Variants in NRXN3 observed in about 807,000 individuals in gnomAD.
NRXN3 encodes the protein neurexin III.
NRXN3 carries 32 observed loss-of-function variants against 137.6 expected under a neutral mutation model. The ratio of observed to expected loss-of-function variants is 0.23; its 90% CI spans 0.18 to 0.31. The LOEUF is 0.31. Among genes scored for constraint, NRXN3 ranks in the 10% least tolerant of loss-of-function variants. The probability of loss-of-function intolerance (pLI) is 1.00; values close to 1 mark genes in which losing one functional copy is unlikely to be tolerated. For synonymous variants in NRXN3, 798 were observed against 784.5 expected (o/e 1.02, Z -0.29); for missense variants, 1,574 against 2,062.5 (o/e 0.76, Z 4.59).
At chr14:79,838,081 G>A (rs2099348030) in intron 20 of NRXN3, among the ~76,000 whole-genome samples, 1 of 149,556 alleles carries the variant, frequency 6.7e-6, no homozygotes, top group African/African-American at 2.4e-5. Flanking sequence ...GTACTGAATA[G>A]TATACAGTGT....
chr14:79,135,455 A>G (rs1465782180), intron 15 of NRXN3, among the ~76,000 whole-genome samples: 2 of 152,200 alleles, frequency 1.3e-5, no homozygotes, highest in Non-Finnish European at 2.9e-5. Context: ...ATAAACCAAC[A>G]GTGGTCCTAC....
chr14:78,888,659 G>C (rs1482213673), intron 10 of NRXN3, among the ~76,000 whole-genome samples: 1 of 151,854 alleles, frequency 6.6e-6, no homozygotes, highest in Non-Finnish European at 1.5e-5. Context: ...AACCCACAAA[G>C]TTTATTCAAA....
intron 19 of NRXN3, among the ~76,000 whole-genome samples, chr14:79,794,999 A>G (rs746906287): frequency 1.2e-4 from 18 of 152,224 alleles, no homozygotes; most frequent in Non-Finnish European, 2.1e-4. Flanking sequence ...AGAGCAGAGC[A>G]TACAACCTAA....
chr14:79,568,308 A>G (rs1343695452), intron 16 of NRXN3, among the ~76,000 whole-genome samples: 2 of 152,190 alleles, frequency 1.3e-5, no homozygotes, highest in African/African-American at 2.4e-5. Context: ...AGAGGAAATC[A>G]CTGAGTTGAA....
intron 9 of NRXN3, among the ~76,000 whole-genome samples, chr14:78,805,083 A>T (rs1301914816): frequency 6.6e-6 from 1 of 152,142 alleles, no homozygotes; most frequent in Non-Finnish European, 1.5e-5. Flanking sequence ...AACTGGACAC[A>T]CTTGGAAAAT....
At chr14:78,455,992 A>G (rs1212447607) in intron 4 of NRXN3, among the ~76,000 whole-genome samples, 1 of 152,204 alleles carries the variant, frequency 6.6e-6, no homozygotes, top group African/African-American at 2.4e-5. Flanking sequence ...TGCAAGTGAA[A>G]TATCCTGATG....
chr14:78,280,762 A>T (rs1158766937), intron 3 of NRXN3, among the ~76,000 whole-genome samples: 1 of 152,116 alleles, frequency 6.6e-6, no homozygotes, highest in Non-Finnish European at 1.5e-5. Context: ...AATGCAGTGG[A>T]CCCATAGGCC....
At chr14:79,548,755 A>C (rs1455077685) in intron 16 of NRXN3, among the ~76,000 whole-genome samples, 1 of 151,574 alleles carries the variant, frequency 6.6e-6, no homozygotes, top group Non-Finnish European at 1.5e-5. Context: ...ATTAAAAAAA[A>C]AAAAAACAAA....
chr14:78,430,727 T>G (rs1199861702), intron 4 of NRXN3, among the ~76,000 whole-genome samples: 1 of 152,198 alleles, frequency 6.6e-6, no homozygotes, highest in Non-Finnish European at 1.5e-5. Context: ...GGGTGCACTG[T>G]GGCAGAAACA....
intron 15 of NRXN3, among the ~76,000 whole-genome samples, chr14:79,194,744 G>C (rs2064906126): frequency 6.6e-6 from 1 of 152,116 alleles, no homozygotes; most frequent in Admixed American, 6.5e-5. Flanking sequence ...TATAAACCTG[G>C]CTTTGGTTTT....
rs57962525 is a variant in NRXN3 at position 79,754,503 on chromosome 14, GATATATATATAT to G, written c.4015-50560_4015-50549del. Among the ~76,000 whole-genome samples the G allele has an allele frequency of 3.2e-3, 143 of 44,164 alleles. 3 individuals carry two copies. Among genetic ancestry groups the G allele is most frequent in the Admixed American group, 7.1e-3 (22 of 3,116 alleles). The allele number at this position is 44,164 out of a possible 152,430, so 29.0% of individuals were successfully genotyped here. On this transcript the variant is annotated intron_variant, in intron 19 of 20. Transcript: ENST00000335750. ...GGAAGACTCACTCTCACTCTCTCTT[GATATATATATAT>G]ATATATATATATATATATATATATA... is the stretch of plus-strand genomic sequence containing the variant.
At chr14:78,225,972 T>TG (rs1555412776) in intron 1 of NRXN3, among the ~76,000 whole-genome samples, 29,263 of 111,726 alleles carry the variant, frequency 0.26, 3,434 homozygotes, top group East Asian at 0.28. Context: ...TGTGTGTGTG[T>TG]TGGTGTGTGT....
intron 16 of NRXN3, among the ~76,000 whole-genome samples, chr14:79,663,227 TGCATGTGTGTGTGTGTAC>T (rs1435278748): frequency 6.6e-6 from 1 of 151,572 alleles, no homozygotes; most frequent in African/African-American, 2.4e-5. Flanking sequence ...AACCATTATG[TGCATGTGTGTGTGTGTAC>T]GCGTGTGTGT....
chr14:78,298,995 A>G (rs1362384326), intron 4 of NRXN3, among the ~76,000 whole-genome samples: 2 of 152,182 alleles, frequency 1.3e-5, no homozygotes, highest in Non-Finnish European at 2.9e-5. Flanking sequence ...TATGGCATCC[A>G]GTTAGCTGTG....
intron 4 of NRXN3, among the ~76,000 whole-genome samples, chr14:78,518,484 A>T (rs2096243256): frequency 6.6e-6 from 1 of 152,146 alleles, no homozygotes; most frequent in Non-Finnish European, 1.5e-5. Context: ...ATAGAAAAAA[A>T]GTGAGGTCCC....
chr14:79,557,230 G>A (rs1338999405), intron 16 of NRXN3, among the ~76,000 whole-genome samples: 2 of 151,560 alleles, frequency 1.3e-5, no homozygotes, highest in Non-Finnish European at 2.9e-5. Context: ...CCATCTTTCT[G>A]TCTGTCCCTG....
intron 19 of NRXN3, among the ~76,000 whole-genome samples, chr14:79,713,605 A>G (rs1199819875): frequency 7.6e-6 from 1 of 130,848 alleles, no homozygotes; most frequent in African/African-American, 2.6e-5. Context: ...ACATACATAT[A>G]CATATACATA....
intron 10 of NRXN3, among the ~76,000 whole-genome samples, chr14:78,865,506 T>C (rs2099084522): frequency 6.6e-6 from 1 of 152,198 alleles, no homozygotes; most frequent in Admixed American, 6.5e-5. Flanking sequence ...ACTTTTAAAC[T>C]AGAATTCTTA....
intron 10 of NRXN3, among the ~76,000 whole-genome samples, chr14:78,819,479 G>A (rs1567408408): frequency 6.6e-6 from 1 of 152,068 alleles, no homozygotes; most frequent in African/African-American, 2.4e-5. Context: ...GATGTACATA[G>A]TTTATATGCA....
Sources: gnomAD v4.1 joint callset for allele counts (sites outside exome capture counted in the v4.1 genomes callset) on GRCh38, gnomAD v4.1.1 for gene constraint, MANE v1.5 for transcripts, NCBI Gene and HGNC (gene_info 2026-07-23, HGNC 2026-07-21) for gene names.